XXYLT1: variants seen among roughly 807,000 people sequenced by gnomAD.
XXYLT1 encodes the protein xyloside xylosyltransferase 1.
XXYLT1 carries 20 observed loss-of-function variants against 28.9 expected under a neutral mutation model. The observed-to-expected ratio is 0.69, with a 90% confidence interval of 0.49 to 1.00. The LOEUF is 1.00. Among genes scored for constraint, XXYLT1 ranks in the 50% least tolerant of loss-of-function variants. XXYLT1 has a pLI of 0.00. For missense variants in XXYLT1, 542 were observed against 560.1 expected (o/e 0.97, Z 0.33); for synonymous variants, 257 against 253.8 (o/e 1.01, Z -0.12).
chr3:195,146,480 G>A (rs1184860644), intron 3 of XXYLT1, among the ~76,000 whole-genome samples: 3 of 152,238 alleles, frequency 2.0e-5, no homozygotes, highest in Non-Finnish European at 4.4e-5. Context: ...CCCACTGCAA[G>A]CTCCTGGAGG....
intron 3 of XXYLT1, chr3:195,095,850 G>A (rs1577019982): frequency 6.6e-6 from 1 of 152,164 alleles, no homozygotes; most frequent in Non-Finnish European, 1.5e-5. Context: ...TGCTTTCAGA[G>A]GCCACGTTAA....
intron 2 of XXYLT1, among the ~76,000 whole-genome samples, chr3:195,185,503 GTTTT>G (rs10576287): frequency 7.9e-6 from 1 of 126,156 alleles, no homozygotes; most frequent in Non-Finnish European, 1.7e-5. Flanking sequence ...TTAGGGCTGG[GTTTT>G]TTTTTTTTTT....
At position 195,077,706 on chromosome 3, in the gene XXYLT1, C is replaced by G. The variant is rs555723764; in HGVS notation, c.786-7595G>C. On this transcript the variant is annotated intron_variant, in intron 3 of 3. Coordinates refer to ENST00000310380, the MANE Select transcript of XXYLT1 (RefSeq NM_152531.5). This position sits in a 1 kb window ranked among gnomAD's most constrained non-coding sequence, Gnocchi z 4.8. The stretch of plus-strand genomic sequence containing the variant: ...GGCCTCTGACCTGGTGCAGGGCAGC[C>G]CTTCAGCCCCCTGCAGGCGTCCGTT... 6.6e-6 allele frequency among the ~76,000 whole-genome samples: 1 copy of G among 152,198 alleles called. No homozygotes were observed. Among genetic ancestry groups the G allele is most frequent in the Non-Finnish European group, 1.5e-5 (1 of 68,022 alleles).
At chr3:195,146,546 G>A (rs145270975) in intron 3 of XXYLT1, among the ~76,000 whole-genome samples, 8 of 152,332 alleles carry the variant, frequency 5.3e-5, no homozygotes, top group South Asian at 4.1e-4. Flanking sequence ...TGCCTGCCCA[G>A]TGAGCTTTCT....
chr3:195,085,760 T>A (rs1715691450), intron 3 of XXYLT1: 3 of 152,746 alleles, frequency 2.0e-5, no homozygotes, highest in Admixed American at 6.5e-5. Flanking sequence ...CTAGCCTCAC[T>A]GTCCTTCGAC....
chr3:195,069,998 A>G lies in XXYLT1; in HGVS notation c.899T>C (p.Met300Thr), dbSNP rs372972352. The G allele has an allele frequency of 6.2e-7, 1 of 1,607,208 alleles. No individual in the cohort carries two copies. The highest frequency in any genetic ancestry group is 1.3e-5 in the African/African-American group (1 of 74,916). The change falls in exon 4 of 4, where the codon ATG (methionine) becomes ACG (threonine). Residue 300 changes from methionine to threonine, a missense_variant. By Grantham distance (81) the Met-to-Thr change is moderately conservative. Coordinates refer to ENST00000310380, the MANE Select transcript of XXYLT1 (RefSeq NM_152531.5). ...GCGGCTGTAGAGCGGGGACTGGCGCATGGCCTCCAGGTTCAGCAACATCAC... is the reference window on the plus strand; with the variant it reads ...GCGGCTGTAGAGCGGGGACTGGCGCGTGGCCTCCAGGTTCAGCAACATCAC... Reference protein sequence around the residue: ...SGVMLLNLEAMRQSPLYSRLL... With the variant: ...SGVMLLNLEATRQSPLYSRLL...
rs1291127085 is a variant in XXYLT1, at chr3:195,218,435, C to T, written c.652+8274G>A. ...ACTCATCCGACAAAGGGCTAATATC[C>T]AGAATCTACAATGAACTCAAACAAA... On this transcript the variant is annotated intron_variant, in intron 2 of 3. Transcript: ENST00000310380. Among the ~76,000 whole-genome samples the T allele has an allele frequency of 2.0e-4, 30 of 151,858 alleles. No individual in the cohort carries two copies. In the Admixed American group the frequency reaches 2.0e-3, roughly 10 times the overall value.
chr3:195,252,001 A>C (rs1204563850), intron 1 of XXYLT1, among the ~76,000 whole-genome samples: 1 of 152,202 alleles, frequency 6.6e-6, no homozygotes, highest in Admixed American at 6.5e-5. Context: ...ACGGAGGTCC[A>C]CCCACAATAA....
rs76803630 is a variant in XXYLT1, at chr3:195,198,493, G to A, written c.652+28216C>T. ...AAATATTCAAGGGCCTGGGAGTCAG[G>A]GGAGCTGGGATGTAAAAACTTCCCA... is the stretch of plus-strand genomic sequence containing the variant. On this transcript the variant is annotated intron_variant, in intron 2 of 3. Coordinates refer to ENST00000310380, the MANE Select transcript of XXYLT1 (RefSeq NM_152531.5). Among the ~76,000 whole-genome samples, 29 of 152,230 alleles carry A rather than the reference G, an allele frequency of 1.9e-4. No homozygotes were observed. The East Asian group carries it at 4.6e-3, about 24-fold the overall frequency.
At chr3:195,138,517 T>G (rs1719312955) in intron 3 of XXYLT1, among the ~76,000 whole-genome samples, 1 of 152,128 alleles carries the variant, frequency 6.6e-6, no homozygotes, top group Non-Finnish European at 1.5e-5. Context: ...TTTATGGAAC[T>G]GGCAGCATCT....
chr3:195,184,973 G>C (rs956615767), intron 2 of XXYLT1, among the ~76,000 whole-genome samples: 2 of 152,074 alleles, frequency 1.3e-5, no homozygotes, highest in African/African-American at 4.8e-5. Context: ...ATACAAATCA[G>C]AAGGTAGAAG....
intron 2 of XXYLT1, among the ~76,000 whole-genome samples, chr3:195,189,794 A>T (rs1477352478): frequency 1.3e-5 from 2 of 152,204 alleles, no homozygotes; most frequent in African/African-American, 2.4e-5. Flanking sequence ...TTTGTAGAAA[A>T]AAATGACAGA....
chr3:195,114,084 T>C (rs1299909448), intron 3 of XXYLT1, among the ~76,000 whole-genome samples: 2 of 152,210 alleles, frequency 1.3e-5, no homozygotes, highest in Non-Finnish European at 2.9e-5. Flanking sequence ...GCCAGACCCC[T>C]GGGTTGAAGA....
At chr3:195,160,799 G>T (rs144900463) in intron 2 of XXYLT1, among the ~76,000 whole-genome samples, 1 of 152,232 alleles carries the variant, frequency 6.6e-6, no homozygotes, top group African/African-American at 2.4e-5. Context: ...TAGAGGGTCC[G>T]CCCCGCGACG....
intron 3 of XXYLT1, among the ~76,000 whole-genome samples, chr3:195,087,822 C>A (rs574553687): frequency 6.6e-6 from 1 of 151,994 alleles, no homozygotes. Flanking sequence ...TCAGTGGGTG[C>A]GCGCACCGTG....
rs561833040 is a variant in XXYLT1 at position 195,172,221 on chromosome 3, GA to G, written c.653-15641del. ...GACAGAGCCCTTCTGCTTTTCAAAA[GA>G]AAAACCTGGAACTGCACCAAGGTTT... On this transcript the variant is annotated intron_variant, in intron 2 of 3. Transcript: ENST00000310380. Among the ~76,000 whole-genome samples, 5 of 152,294 alleles carry G rather than the reference GA, an allele frequency of 3.3e-5. No homozygotes were observed. In the East Asian group the frequency reaches 9.6e-4, roughly 29 times the overall value.
chr3:195,256,068 C>A lies in XXYLT1; in HGVS notation c.504+14487G>T, dbSNP rs371462369. Among the ~76,000 whole-genome samples the A allele has an allele frequency of 4.6e-5, 7 of 152,180 alleles. No individual in the cohort carries two copies. In the East Asian group the frequency reaches 5.8e-4, roughly 13 times the overall value. On this transcript the variant is annotated intron_variant, in intron 1 of 3. Coordinates refer to ENST00000310380, the MANE Select transcript of XXYLT1 (RefSeq NM_152531.5). This position sits in a 1 kb window ranked among gnomAD's most constrained non-coding sequence, Gnocchi z 4.2. ...AGCAGGCACAGGGGCACCGTGGGAA[C>A]CCTTCTGGTGGGGCCCCAGCTCTCA...
At chr3:195,213,748 T>C (rs965646085) in intron 2 of XXYLT1, among the ~76,000 whole-genome samples, 2 of 152,236 alleles carry the variant, frequency 1.3e-5, no homozygotes, top group African/African-American at 4.8e-5. Flanking sequence ...GTACTAATAC[T>C]ATCTAACACT....
intron 3 of XXYLT1, chr3:195,152,659 C>T (rs935400977): frequency 2.0e-5 from 3 of 152,148 alleles, no homozygotes; most frequent in Non-Finnish European, 4.4e-5. Context: ...CTTCTCCTCC[C>T]GCACCTCCTC....
Sources: allele counts gnomAD v4.1 joint callset (sites outside exome capture counted in the v4.1 genomes callset), GRCh38; gene constraint gnomAD v4.1.1; non-coding constraint Gnocchi (gnomAD v3.1); transcripts MANE v1.5; gene names NCBI Gene and HGNC (gene_info 2026-07-23, HGNC 2026-07-21).